The following TMTC1 variants were observed in gnomAD, a reference collection of about 807,000 sequenced individuals.
TMTC1 encodes protein O-mannosyl-transferase TMTC1.
TMTC1 carries 73 observed loss-of-function variants against 104.8 expected under a neutral mutation model. The observed-to-expected ratio is 0.70, with a 90% CI of 0.58 to 0.85. The LOEUF (loss-of-function observed/expected upper bound fraction) is 0.85, where lower values mean the gene tolerates loss of function less well. Ranked by LOEUF, TMTC1 falls within the 40% of genes least tolerant of loss-of-function variation. The pLI is 0.00. For synonymous variants in TMTC1, 434 were observed against 428.7 expected, an observed-to-expected ratio of 1.01 and a Z score of -0.15; for missense variants, 1,035 against 1,096.1, an observed-to-expected ratio of 0.94 and a Z score of 0.79.
chr12:29,540,081 A>AATATGGT (rs1944754460), intron 10 of TMTC1, among the ~76,000 whole-genome samples: 1 of 152,110 alleles, frequency 6.6e-6, no homozygotes, highest in Non-Finnish European at 1.5e-5. Flanking sequence ...TCATAGGAAA[A>AATATGGT]ATATGGTAGG....
intron 8 of TMTC1, among the ~76,000 whole-genome samples, chr12:29,582,392 T>C (rs553816826): frequency 2.6e-5 from 4 of 152,324 alleles, no homozygotes; most frequent in African/African-American, 9.6e-5. Flanking sequence ...CAGAGGAGGC[T>C]TCTTGGTCAG....
chr12:29,582,124 G>T (rs527844592), intron 8 of TMTC1, among the ~76,000 whole-genome samples: 1 of 152,258 alleles, frequency 6.6e-6, no homozygotes, highest in African/African-American at 2.4e-5. Context: ...ATGCCAGACT[G>T]ACTTTTTGTT....
At chr12:29,752,128 A>AACACACACAC (rs146261837) in intron 4 of TMTC1, among the ~76,000 whole-genome samples, 5,057 of 150,266 alleles carry the variant, frequency 0.034, 95 homozygotes, top group African/African-American at 0.038. Flanking sequence ...GATGGCCACC[A>AACACACACAC]ACACACACAC....
chr12:29,549,347 A>C (rs1945033787), intron 10 of TMTC1, among the ~76,000 whole-genome samples: 1 of 152,134 alleles, frequency 6.6e-6, no homozygotes, highest in African/African-American at 2.4e-5. Flanking sequence ...TTATCGTAAA[A>C]AAAATAAAAT....
chr12:29,536,673 G>A (rs148273156), intron 10 of TMTC1, among the ~76,000 whole-genome samples: 1 of 152,300 alleles, frequency 6.6e-6, no homozygotes, highest in East Asian at 1.9e-4. Context: ...GGTGGCATGA[G>A]AGCCAATTTA....
intron 2 of TMTC1, among the ~76,000 whole-genome samples, chr12:29,761,536 CTT>C (rs1463112078): frequency 1.3e-5 from 2 of 150,306 alleles, no homozygotes; most frequent in East Asian, 3.9e-4. Context: ...ACAGATGACT[CTT>C]TACAAATCTT....
At chr12:29,766,987 T>C (rs1943479626) in intron 2 of TMTC1, among the ~76,000 whole-genome samples, 1 of 151,990 alleles carries the variant, frequency 6.6e-6, no homozygotes, top group Non-Finnish European at 1.5e-5. Flanking sequence ...TCTCACTCTG[T>C]TGCCCAGGCT....
In TMTC1 at chr12:29,559,689, T is replaced by C. The variant is rs756133248; in HGVS notation, c.1533-2689A>G. ...ATCCCCAACTCCTCAAGGAAGGAGA[T>C]TGCTGATATTTACAGGGACTCGCTG... On this transcript the variant is annotated intron_variant, in intron 9 of 17. Coordinates refer to ENST00000539277, the MANE Select transcript of TMTC1 (RefSeq NM_001193451.2). 7.2e-5 allele frequency among the ~76,000 whole-genome samples: 11 copies of C among 152,228 alleles called. No homozygotes were observed. The East Asian group carries it at 1.4e-3, about 19-fold the overall frequency.
intron 5 of TMTC1, 38 bp from the exon 6 acceptor site, chr12:29,633,374 G>T: frequency 6.6e-7 from 1 of 1,508,352 alleles, no homozygotes; most frequent in South Asian, 1.3e-5. Context: ...CACTGCTCAA[G>T]AACCATGACA....
chr12:29,713,395 CTA>C (rs1941991235), intron 5 of TMTC1, among the ~76,000 whole-genome samples: 2 of 150,810 alleles, frequency 1.3e-5, no homozygotes, highest in African/African-American at 4.9e-5. Flanking sequence ...AGAACACAAA[CTA>C]ATGTTCTCCA....
intron 7 of TMTC1, among the ~76,000 whole-genome samples, chr12:29,597,790 G>T (rs1422733743): frequency 6.6e-6 from 1 of 152,158 alleles, no homozygotes; most frequent in Non-Finnish European, 1.5e-5. Context: ...TCTAAAACCA[G>T]TAAAGCTTCC....
At chr12:29,776,898 G>A (rs948912824) in intron 1 of TMTC1, among the ~76,000 whole-genome samples, 6 of 152,222 alleles carry the variant, frequency 3.9e-5, no homozygotes, top group Admixed American at 6.5e-5. Flanking sequence ...TTTGGTAGCA[G>A]TGGGTTTGGC....
At position 29,755,796 on chromosome 12, in the gene TMTC1, G is replaced by A. The variant is rs767601505; in HGVS notation, c.644C>T (p.Ala215Val). ...LLLSLFLGTCAMLVKETGITV... is the reference protein window; with the variant it reads ...LLLSLFLGTCVMLVKETGITV... ...GATGCCTGTCTCTTTCACCAGCATC[G>A]CACAGGTCCCCAGAAACAAACTGAG... is the stretch of plus-strand genomic sequence containing the variant. The change falls in exon 4 of 18, where the codon GCG (alanine) becomes GTG (valine). Residue 215 changes from alanine (A) to valine (V), a missense_variant. Transcript: ENST00000539277. The A allele has an allele frequency of 5.0e-6, 8 of 1,613,932 alleles. No homozygotes were observed. The highest frequency in any genetic ancestry group is 1.6e-4 in the Middle Eastern group (1 of 6,084).
intron 5 of TMTC1, among the ~76,000 whole-genome samples, chr12:29,748,308 C>T (rs1206447534): frequency 6.6e-6 from 1 of 152,178 alleles, no homozygotes; most frequent in Non-Finnish European, 1.5e-5. Flanking sequence ...CACCAATACC[C>T]CATACTGAAG....
intron 5 of TMTC1, among the ~76,000 whole-genome samples, chr12:29,634,903 C>T (rs955951450): frequency 6.6e-6 from 1 of 152,152 alleles, no homozygotes; most frequent in African/African-American, 2.4e-5. Context: ...TGGTTTAGAA[C>T]ACCTTCTCAG....
chr12:29,507,094 C>G (rs1592141475), intron 17 of TMTC1, 108 bp from the exon 18 acceptor site: 2 of 894,370 alleles, frequency 2.2e-6, no homozygotes, highest in African/African-American at 3.3e-5. Flanking sequence ...CATTAATGTT[C>G]TCATATGGAA....
chr12:29,779,444 A>G (rs2120663040), intron 1 of TMTC1, among the ~76,000 whole-genome samples: 1 of 152,306 alleles, frequency 6.6e-6, no homozygotes. Context: ...TGGTAGAAGT[A>G]GATGGTCTGC....
intron 7 of TMTC1, among the ~76,000 whole-genome samples, chr12:29,591,908 G>GAAAAC (rs61162219): frequency 0.054 from 8,057 of 150,400 alleles, 611 homozygotes; most frequent in African/African-American, 0.17. Context: ...GCTTTTAAGT[G>GAAAAC]AAAACAAAAC....
rs1221724930 is a variant in TMTC1, at chr12:29,783,041, G to T, written c.302+409C>A. On this transcript the variant is annotated intron_variant, in intron 1 of 17. Coordinates refer to ENST00000539277, the MANE Select transcript of TMTC1 (RefSeq NM_001193451.2). This position sits in a 1 kb window ranked among gnomAD's most constrained non-coding sequence, Gnocchi z 4.7. The stretch of plus-strand genomic sequence containing the variant: ...TGCAAAGCTGCCCAACAGCCTCCGA[G>T]AAATTCTCTACTTGGAAGCATCGCC... 5.5e-6 allele frequency: 1 copy of T among 180,502 alleles called. No individual in the cohort carries two copies. The highest frequency in any genetic ancestry group is 1.1e-5 in the Non-Finnish European group (1 of 87,458). 11.2% of individuals were successfully genotyped at this position (180,502 alleles called of 1,614,324 possible). A position where few individuals can be genotyped will look rare whatever the true frequency, so the allele number is the denominator to read the frequency against.
Sources: allele counts gnomAD v4.1 joint callset (sites outside exome capture counted in the v4.1 genomes callset), GRCh38; gene constraint gnomAD v4.1.1; non-coding constraint Gnocchi (gnomAD v3.1); transcripts MANE v1.5; gene names NCBI Gene and HGNC (gene_info 2026-07-23, HGNC 2026-07-21).